Variants in UBE2W observed in about 807,000 individuals in gnomAD.
UBE2W encodes the protein ubiquitin-conjugating enzyme E2 W.
In UBE2W, 18 loss-of-function variants were observed where a neutral mutation model predicts 27.2. That is an observed-to-expected ratio of 0.66 (90% CI 0.46 to 0.98). UBE2W has a LOEUF of 0.98. Among genes scored for constraint, UBE2W ranks in the 50% least tolerant of loss-of-function variants. The pLI, the probability that UBE2W is intolerant of heterozygous loss-of-function variation, is 0.00. For synonymous variants in UBE2W, 53 were observed against 57.2 expected (o/e 0.93, Z 0.33); for missense variants, 90 against 180.2 (o/e 0.50, Z 2.87).
intron 4 of UBE2W, among the ~76,000 whole-genome samples, chr8:73,781,036 G>A (rs551769105): frequency 1.4e-4 from 21 of 151,808 alleles, no homozygotes; most frequent in South Asian, 8.3e-4. Context: ...TTGGGAGGCC[G>A]AGGCAGTTGG....
chr8:73,831,510 C>G lies in UBE2W; in HGVS notation c.16-1038G>C, dbSNP rs148607401. 999 of 153,828 alleles carry G rather than the reference C, an allele frequency of 6.5e-3. 6 individuals are homozygous for G. Among genetic ancestry groups the G allele is most frequent in the Non-Finnish European group, 0.011 (743 of 68,774 alleles). 9.5% of individuals were successfully genotyped at this position (153,828 alleles called of 1,614,324 possible). On this transcript the variant is annotated intron_variant, in intron 1 of 5. Transcript: ENST00000602593. ...ACTGGATTTTCAATCTCACGAAGTA[C>G]AACAGCTACAGTAGCTGCTTAAAGT...
At chr8:73,847,764 T>C (rs899355238) in intron 1 of UBE2W, among the ~76,000 whole-genome samples, 1 of 151,892 alleles carries the variant, frequency 6.6e-6, no homozygotes, top group Admixed American at 6.6e-5. Flanking sequence ...TAGCCGGGCA[T>C]GGTGGCAGGC....
chr8:73,832,187 G>A (rs920152353), intron 1 of UBE2W, among the ~76,000 whole-genome samples: 12 of 150,988 alleles, frequency 7.9e-5, no homozygotes, highest in African/African-American at 3.0e-4. Context: ...TGTACTCCCA[G>A]GTACTTCAGA....
At chr8:73,863,312 G>C (rs1811604812) in intron 1 of UBE2W, among the ~76,000 whole-genome samples, 1 of 143,196 alleles carries the variant, frequency 7.0e-6, no homozygotes, top group South Asian at 2.2e-4. Context: ...ATCATTCTCA[G>C]TAAACTATCG....
intron 4 of UBE2W, among the ~76,000 whole-genome samples, chr8:73,809,922 T>G (rs1240687999): frequency 6.6e-6 from 1 of 152,110 alleles, no homozygotes; most frequent in Non-Finnish European, 1.5e-5. Flanking sequence ...TTTTTGTTTT[T>G]TTTCCCCCCA....
chr8:73,844,949 G>T, intron 1 of UBE2W, among the ~76,000 whole-genome samples: 1 of 151,312 alleles, frequency 6.6e-6, no homozygotes, highest in African/African-American at 2.4e-5. Context: ...CCCTCCGCCT[G>T]GCAGCCGCCC....
At chr8:73,809,528 C>T (rs1006589362) in intron 4 of UBE2W, among the ~76,000 whole-genome samples, 6 of 152,086 alleles carry the variant, frequency 3.9e-5, no homozygotes, top group African/African-American at 1.4e-4. Flanking sequence ...CAGAAGTGTA[C>T]AGAGGATTCA....
chr8:73,835,920 T>C (rs1810293441), intron 1 of UBE2W, among the ~76,000 whole-genome samples: 1 of 152,168 alleles, frequency 6.6e-6, no homozygotes, highest in African/African-American at 2.4e-5. Flanking sequence ...AGGCAAATCC[T>C]TCAATTCAAA....
chr8:73,869,572 T>C (rs981336831), intron 1 of UBE2W, among the ~76,000 whole-genome samples: 12 of 152,116 alleles, frequency 7.9e-5, no homozygotes, highest in African/African-American at 2.4e-4. Context: ...ACGCCTGCAG[T>C]CCCAGCTACT....
rs371988463 is a variant in UBE2W, at chr8:73,839,846, C to A, written c.16-9374G>T. On this transcript the variant is annotated intron_variant, in intron 1 of 5. Transcript: ENST00000602593. ...TCCCGGGCTCAAGCGATTCTCATGCCTCAGCCTCCCGAGTAGGTGGGACTC... is the reference window on the plus strand; with the variant it reads ...TCCCGGGCTCAAGCGATTCTCATGCATCAGCCTCCCGAGTAGGTGGGACTC... Among the ~76,000 whole-genome samples the A allele has an allele frequency of 1.0e-4, 15 of 150,668 alleles. No homozygotes were observed. The East Asian group carries it at 2.8e-3, about 28-fold the overall frequency.
At chr8:73,855,694 C>T (rs1040643350) in intron 1 of UBE2W, among the ~76,000 whole-genome samples, 4 of 152,122 alleles carry the variant, frequency 2.6e-5, no homozygotes, top group Non-Finnish European at 5.9e-5. Flanking sequence ...GCGTGAGCCA[C>T]AGCACCCAGC....
rs1209616926 is a variant in UBE2W, at chr8:73,792,949, C to T, written c.*1153G>A. 1.0e-6 allele frequency: 1 copy of T among 985,528 alleles called. No homozygotes were observed. Among genetic ancestry groups the T allele is most frequent in the East Asian group, 1.1e-4 (1 of 8,832 alleles). The allele number at this position is 985,528 out of a possible 1,614,324, so 61.0% of individuals were successfully genotyped here. A position where few individuals can be genotyped will look rare whatever the true frequency, so the allele number is the denominator to read the frequency against. ...AAATTTTAAAATAAAAATGTCCACA[C>T]TCTTTTGTTAAAACATTAAGCCTCT... On this transcript the variant is annotated 3_prime_UTR_variant, in exon 6 of 6. Transcript: ENST00000602593.
At chr8:73,826,525 T>C (rs1391228749) in intron 2 of UBE2W, among the ~76,000 whole-genome samples, 3 of 152,184 alleles carry the variant, frequency 2.0e-5, no homozygotes, top group Non-Finnish European at 4.4e-5. Flanking sequence ...CCTTGGATTA[T>C]GTAAAATAAT....
intron 3 of UBE2W, among the ~76,000 whole-genome samples, chr8:73,824,773 A>G (rs983875893): frequency 1.3e-5 from 2 of 152,250 alleles, no homozygotes; most frequent in Non-Finnish European, 2.9e-5. Context: ...CTGATCTGAC[A>G]GGAGGCAGAG....
intron 3 of UBE2W, among the ~76,000 whole-genome samples, chr8:73,813,176 G>A (rs1016958358): frequency 3.6e-5 from 5 of 139,070 alleles, no homozygotes; most frequent in African/African-American, 1.1e-4. Flanking sequence ...ATAGCAACAC[G>A]AAGGTTACTA....
downstream of UBE2W, among the ~76,000 whole-genome samples, chr8:73,783,047 G>C (rs1227842316): frequency 1.3e-5 from 2 of 152,080 alleles, no homozygotes; most frequent in South Asian, 4.1e-4. Context: ...GTGTTTGTTT[G>C]CCATTCCTAT....
intron 1 of UBE2W, among the ~76,000 whole-genome samples, chr8:73,866,403 C>A (rs376642813): frequency 6.7e-6 from 1 of 149,152 alleles, no homozygotes; most frequent in African/African-American, 2.5e-5. Flanking sequence ...GCTCTCCACT[C>A]ACCCAGAGAA....
At chr8:73,868,068 T>C (rs1205205821) in intron 1 of UBE2W, among the ~76,000 whole-genome samples, 1 of 152,216 alleles carries the variant, frequency 6.6e-6, no homozygotes, top group African/African-American at 2.4e-5. Flanking sequence ...GTTATAAATA[T>C]CCTTTTATAT....
intron 1 of UBE2W, among the ~76,000 whole-genome samples, chr8:73,843,103 G>T (rs903449862): frequency 2.0e-5 from 3 of 152,156 alleles, no homozygotes; most frequent in Admixed American, 6.5e-5. Flanking sequence ...TGATATCACT[G>T]ATATGAAATG....
Sources: gnomAD v4.1 joint callset for allele counts (sites outside exome capture counted in the v4.1 genomes callset) on GRCh38, gnomAD v4.1.1 for gene constraint, MANE v1.5 for transcripts, NCBI Gene and HGNC (gene_info 2026-07-23, HGNC 2026-07-21) for gene names.